The following RAB44 variants were observed in gnomAD, a reference collection of about 807,000 sequenced individuals.
RAB44 encodes ras-related protein Rab-44.
In RAB44, 67 loss-of-function variants were observed where a neutral mutation model predicts 93.3. That is an observed-to-expected ratio of 0.72 (90% CI 0.59 to 0.88). RAB44 has a LOEUF of 0.88. RAB44 is among the 40% of genes least tolerant of loss of function. The pLI is 0.00. For synonymous variants in RAB44, 427 were observed against 520.3 expected (o/e 0.82, Z 2.44); for missense variants, 1,064 against 1,261.7 (o/e 0.84, Z 2.37).
intron 2 of RAB44, among the ~76,000 whole-genome samples, chr6:36,706,058 C>A (rs527870962): frequency 1.3e-5 from 2 of 152,098 alleles, no homozygotes; most frequent in Admixed American, 6.5e-5. Context: ...GGCCACTACG[C>A]CTGGCTGATT....
At chr6:36,718,384 A>G (rs1762980975) in intron 6 of RAB44, 109 bp from the exon 7 acceptor site, 2 of 534,832 alleles carry the variant, frequency 3.7e-6, no homozygotes, top group Non-Finnish European at 5.7e-6. Flanking sequence ...CTGCTGGGGC[A>G]TCCTGGCCCA....
intron 9 of RAB44, among the ~76,000 whole-genome samples, chr6:36,723,863 G>A (rs1359355148): frequency 1.0e-4 from 8 of 77,592 alleles, no homozygotes; most frequent in Non-Finnish European, 2.3e-4. Flanking sequence ...AAGCAAACCC[G>A]AGGGAATGGA....
intron 8 of RAB44, 60 bp from the exon 9 acceptor site, chr6:36,721,091 A>G: frequency 8.1e-7 from 1 of 1,227,868 alleles, no homozygotes; most frequent in South Asian, 4.1e-5. Flanking sequence ...TGCAGGTGGG[A>G]TGGGTGTGAC....
intron 11 of RAB44, 99 bp downstream of exon 11, chr6:36,727,790 T>C: frequency 1.2e-6 from 1 of 819,462 alleles, no homozygotes; most frequent in East Asian, 2.7e-5. Flanking sequence ...ACAAATGACA[T>C]GACAGACATA....
chr6:36,700,703 A>G (rs1423999089), intron 1 of RAB44, among the ~76,000 whole-genome samples: 1 of 152,052 alleles, frequency 6.6e-6, no homozygotes, highest in Non-Finnish European at 1.5e-5. Context: ...CTCCCAAAGT[A>G]CTGGGATTAC....
At chr6:36,727,803 G>A in intron 11 of RAB44, 112 bp downstream of exon 11, 1 of 741,502 alleles carries the variant, frequency 1.3e-6, no homozygotes, top group African/African-American at 1.7e-5. Flanking sequence ...CAGACATATG[G>A]GTGACACCAC....
In RAB44 at chr6:36,728,748, G is replaced by A; in HGVS notation, c.2845G>A (p.Asp949Asn). Reference sequence around the variant, plus strand: ...CATCCTTCTCCTGGGAAACAAGATGGACTGTGAGGAGGAACGGCAAGTGTC... The same window carrying A: ...CATCCTTCTCCTGGGAAACAAGATGAACTGTGAGGAGGAACGGCAAGTGTC... ...VVILLLGNKM[D>N]CEEERQVSVE... Residue 949 changes from aspartate (D) to asparagine (N), a missense_variant, in exon 12 of 14, where the codon GAC (aspartate) becomes AAC (asparagine). By Grantham distance (23) the Asp-to-Asn change is conservative. Transcript: ENST00000612677. 6.4e-7 allele frequency: 1 copy of A among 1,550,624 alleles called. No homozygotes were observed.
At chr6:36,711,693 C>T (rs189568784) in intron 2 of RAB44, among the ~76,000 whole-genome samples, 1 of 152,144 alleles carries the variant, frequency 6.6e-6, no homozygotes, top group Non-Finnish European at 1.5e-5. Context: ...ACATAGTACG[C>T]TAAGTTATTA....
At chr6:36,709,969 A>T (rs1762741296) in intron 2 of RAB44, among the ~76,000 whole-genome samples, 1 of 152,264 alleles carries the variant, frequency 6.6e-6, no homozygotes, top group African/African-American at 2.4e-5. Context: ...CAAAGCTCAC[A>T]AATACACATA....
chr6:36,727,309 C>T (rs778357560), intron 10 of RAB44, among the ~76,000 whole-genome samples: 1 of 152,110 alleles, frequency 6.6e-6, no homozygotes, highest in Non-Finnish European at 1.5e-5. Context: ...ACTGATAACC[C>T]TGGTTGCCTC....
intron 7 of RAB44, among the ~76,000 whole-genome samples, chr6:36,719,272 A>T (rs1456105441): frequency 1.3e-5 from 2 of 152,168 alleles, no homozygotes; most frequent in African/African-American, 4.8e-5. Context: ...AGCCGTCCTC[A>T]CCACGGCCTG....
rs551501952 is a variant in RAB44, at chr6:36,731,624, A to G, written c.2976-379A>G. Reference sequence around the variant, plus strand: ...CCCTTTCTGCTGGCATACCTTGTCCATGGCTCAGTTCGGTCACCATCTCCT... The same window carrying G: ...CCCTTTCTGCTGGCATACCTTGTCCGTGGCTCAGTTCGGTCACCATCTCCT... On this transcript the variant is annotated intron_variant, in intron 13 of 13. Transcript: ENST00000612677. This position sits in a 1 kb window ranked among gnomAD's most constrained non-coding sequence, Gnocchi z 4.0. 1.2e-3 allele frequency among the ~76,000 whole-genome samples: 177 copies of G among 152,154 alleles called. No individual in the cohort carries two copies. The highest frequency in any genetic ancestry group is 4.0e-3 in the African/African-American group (165 of 41,504).
chr6:36,715,628 C>A lies in RAB44; in HGVS notation c.469C>A (p.Leu157Met), dbSNP rs1375971854. Residue 157 changes from leucine to methionine, a missense_variant, in exon 4 of 14, where the codon CTG becomes ATG. By Grantham distance (15) the Leu-to-Met change is conservative. Coordinates refer to ENST00000612677, the MANE Select transcript of RAB44 (RefSeq NM_001257357.2). ...KEAFLAFMEQ[L>M]GTGHLLPKQM... is the part of the protein sequence containing the mutation. The stretch of plus-strand genomic sequence containing the variant: ...GGCGTTCCTTGCCTTCATGGAGCAG[C>A]TGGGGACTGGACACTTACTTCCCAA... The A allele has an allele frequency of 1.5e-5, 23 of 1,536,036 alleles. No homozygotes were observed. The Admixed American group carries it at 4.5e-4, about 30-fold the overall frequency.
At position 36,720,515 on chromosome 6, in the gene RAB44, G is replaced by A. The variant is rs969325592; in HGVS notation, c.981G>A (p.Arg327=). The A allele has an allele frequency of 8.1e-7, 1 of 1,233,772 alleles. No individual in the cohort carries two copies. Among genetic ancestry groups the A allele is most frequent in the African/African-American group, 1.5e-5 (1 of 64,572 alleles). 76.4% of individuals were successfully genotyped at this position (1,233,772 alleles called of 1,614,324 possible). ...CCAGGGGGCGCCTGGACGCCGCCAG[G>A]GGCCGGGTGTCCTGGCAGGTGGAGG... is the stretch of plus-strand genomic sequence containing the variant. The part of the protein sequence containing the change: ...QVTRGRLDAA[R]GRVSWQVEEK... The change falls in exon 8 of 14, where the codon AGG becomes AGA. Residue 327 remains arginine, a synonymous_variant. Coordinates refer to ENST00000612677, the MANE Select transcript of RAB44 (RefSeq NM_001257357.2).
At chr6:36,728,546 G>A (rs537272425) in intron 11 of RAB44, among the ~76,000 whole-genome samples, 154 bp from the exon 12 acceptor site, 3 of 152,106 alleles carry the variant, frequency 2.0e-5, no homozygotes, top group Admixed American at 2.0e-4. Context: ...CAGAGAGGAA[G>A]GATGGGGGAA....
intron 2 of RAB44, among the ~76,000 whole-genome samples, chr6:36,709,044 A>G (rs1762717590): frequency 6.6e-6 from 1 of 152,138 alleles, no homozygotes. Flanking sequence ...TCCTGGGTTC[A>G]AGCGATTCCC....
intron 2 of RAB44, among the ~76,000 whole-genome samples, chr6:36,709,048 G>C (rs943391957): frequency 2.6e-5 from 4 of 151,936 alleles, no homozygotes; most frequent in African/African-American, 9.7e-5. Context: ...GGGTTCAAGC[G>C]ATTCCCCTGC....
At chr6:36,714,792 A>G (rs1281937686) in intron 3 of RAB44, among the ~76,000 whole-genome samples, 1 of 152,226 alleles carries the variant, frequency 6.6e-6, no homozygotes, top group Non-Finnish European at 1.5e-5. Flanking sequence ...ACAAACTGGA[A>G]GCCCCTTCCT....
intron 3 of RAB44, 40 bp from the exon 4 acceptor site, chr6:36,715,439 A>C: frequency 6.5e-7 from 1 of 1,528,308 alleles, no homozygotes; most frequent in Non-Finnish European, 8.8e-7. Context: ...GTCTGGGCCC[A>C]ACACCACTGT....
Sources: allele counts gnomAD v4.1 joint callset (sites outside exome capture counted in the v4.1 genomes callset), GRCh38; gene constraint gnomAD v4.1.1; non-coding constraint Gnocchi (gnomAD v3.1); transcripts MANE v1.5; gene names NCBI Gene and HGNC (gene_info 2026-07-23, HGNC 2026-07-21).